Variants in CDH11 observed in about 807,000 individuals in gnomAD.
CDH11 encodes the protein cadherin-11.
Under a neutral mutation model 67.8 loss-of-function variants are expected in CDH11, and 11 were observed. The observed-to-expected ratio is 0.16, with a 90% CI of 0.10 to 0.27. CDH11 has a LOEUF of 0.27. Ranked by LOEUF, CDH11 falls within the 10% of genes least tolerant of loss-of-function variation. CDH11 has a pLI of 1.00. For synonymous variants in CDH11, 419 were observed against 400.0 expected, an observed-to-expected ratio of 1.05 and a Z score of -0.57; for missense variants, 847 against 1,031.2, an observed-to-expected ratio of 0.82 and a Z score of 2.45.
chr16:65,025,825 C>T (rs1481230293), intron 2 of CDH11, among the ~76,000 whole-genome samples: 1 of 152,108 alleles, frequency 6.6e-6, no homozygotes, highest in Non-Finnish European at 1.5e-5. Flanking sequence ...ATCCCAGAAC[C>T]CAAATGGGAT....
intron 1 of CDH11, among the ~76,000 whole-genome samples, chr16:65,107,946 T>C (rs554360168): frequency 3.0e-4 from 46 of 152,160 alleles, no homozygotes; most frequent in Non-Finnish European, 5.0e-4. Context: ...CAAGGGCTGA[T>C]CTGCCTAGAG....
chr16:64,973,077 A>C (rs188913945), intron 8 of CDH11, 37 bp from the exon 9 acceptor site: 1 of 1,599,034 alleles, frequency 6.3e-7, no homozygotes, highest in Non-Finnish European at 8.5e-7. Context: ...AGACCAAGAC[A>C]TTCAGAGCAG....
At chr16:64,953,637 T>C (rs1265491235) in intron 11 of CDH11, among the ~76,000 whole-genome samples, 1 of 152,198 alleles carries the variant, frequency 6.6e-6, no homozygotes. Context: ...TTACACACCA[T>C]TGTTCCATAC....
At chr16:65,063,641 C>T (rs1465953193) in intron 1 of CDH11, among the ~76,000 whole-genome samples, 2 of 152,078 alleles carry the variant, frequency 1.3e-5, no homozygotes, top group African/African-American at 4.8e-5. Flanking sequence ...TTGATATCTG[C>T]AAATGTTCTA....
intron 2 of CDH11, among the ~76,000 whole-genome samples, chr16:65,047,365 T>C (rs2073980444): frequency 6.6e-6 from 1 of 151,992 alleles, no homozygotes; most frequent in South Asian, 2.1e-4. Flanking sequence ...TTTGGTTTTT[T>C]TTTTTAGATG....
chr16:65,014,779 G>C (rs1258456283), intron 2 of CDH11, among the ~76,000 whole-genome samples: 1 of 152,146 alleles, frequency 6.6e-6, no homozygotes, highest in Non-Finnish European at 1.5e-5. Flanking sequence ...AGTGAGGGGA[G>C]AGTTTGAAGA....
Position 64,980,277 on chromosome 16 carries a change from A to G in CDH11, c.1253+1771T>C, listed in dbSNP as rs529733283. On this transcript the variant is annotated intron_variant, in intron 8 of 12. Transcript: ENST00000268603. ...GAAAAAAAAAAGAGAGTGAGACAGA[A>G]AAGCAAATGGCAGCCAGATTTGGCC... 1.1e-4 allele frequency among the ~76,000 whole-genome samples: 16 copies of G among 152,324 alleles called. No individual in the cohort carries two copies. The South Asian group carries it at 1.7e-3, about 16-fold the overall frequency.
intron 1 of CDH11, among the ~76,000 whole-genome samples, chr16:65,059,029 T>G (rs529188784): frequency 6.6e-6 from 1 of 152,374 alleles, no homozygotes; most frequent in South Asian, 2.1e-4. Flanking sequence ...AATATTGATA[T>G]GTGCATAAAT....
intron 1 of CDH11, among the ~76,000 whole-genome samples, chr16:65,113,438 T>G (rs998038574): frequency 1.3e-5 from 2 of 152,170 alleles, no homozygotes; most frequent in African/African-American, 4.8e-5. Context: ...CCCTCATCTC[T>G]AAATGAAGGT....
intron 1 of CDH11, among the ~76,000 whole-genome samples, chr16:65,057,390 C>G (rs1242623437): frequency 1.3e-5 from 2 of 152,222 alleles, no homozygotes; most frequent in African/African-American, 4.8e-5. Flanking sequence ...GCCCTTCCAT[C>G]ATTGTGCTTG....
intron 2 of CDH11, among the ~76,000 whole-genome samples, chr16:65,040,644 C>T (rs771116113): frequency 6.6e-6 from 1 of 152,124 alleles, no homozygotes; most frequent in South Asian, 2.1e-4. Context: ...CAACATGGCA[C>T]ATGTATACAT....
At chr16:65,009,505 A>G (rs1323573091) in intron 2 of CDH11, among the ~76,000 whole-genome samples, 1 of 152,150 alleles carries the variant, frequency 6.6e-6, no homozygotes. Flanking sequence ...AAATATTTCT[A>G]GAATTGAGAG....
chr16:64,980,290 G>A (rs925825451), intron 8 of CDH11, among the ~76,000 whole-genome samples: 5 of 152,086 alleles, frequency 3.3e-5, no homozygotes, highest in Admixed American at 2.6e-4. Flanking sequence ...GCAAATGGCA[G>A]CCAGATTTGG....
At chr16:64,999,937 T>C (rs1469700238) in intron 3 of CDH11, among the ~76,000 whole-genome samples, 68 of 152,166 alleles carry the variant, frequency 4.5e-4, no homozygotes, top group Non-Finnish European at 1.9e-4. Context: ...TTATCAGACC[T>C]TTCCAGAAGA....
At chr16:64,974,622 G>A (rs541778438) in intron 8 of CDH11, among the ~76,000 whole-genome samples, 1 of 152,138 alleles carries the variant, frequency 6.6e-6, no homozygotes, top group Non-Finnish European at 1.5e-5. Flanking sequence ...CATAGGAATA[G>A]AATAATGAGT....
At chr16:64,951,653 G>T (rs1360648804) in intron 11 of CDH11, among the ~76,000 whole-genome samples, 6 of 152,100 alleles carry the variant, frequency 3.9e-5, no homozygotes, top group African/African-American at 1.4e-4. Flanking sequence ...GTGAGAAAAA[G>T]TTTTTTCCTA....
At chr16:65,028,447 C>T (rs1245118108) in intron 2 of CDH11, among the ~76,000 whole-genome samples, 1 of 113,038 alleles carries the variant, frequency 8.8e-6, no homozygotes, top group African/African-American at 3.4e-5. Context: ...GACCTTGGGA[C>T]ATTAACAGAT....
intron 2 of CDH11, among the ~76,000 whole-genome samples, chr16:65,005,397 A>G (rs985523413): frequency 6.6e-6 from 1 of 152,198 alleles, no homozygotes; most frequent in African/African-American, 2.4e-5. Flanking sequence ...GGAACATATA[A>G]TCCACACTGG....
chr16:65,115,827 C>A (rs1179957983), intron 1 of CDH11, among the ~76,000 whole-genome samples: 5 of 151,706 alleles, frequency 3.3e-5, no homozygotes, highest in African/African-American at 1.2e-4. Flanking sequence ...GTAATCCCAG[C>A]ACTTTGGGAG....
Sources: allele counts gnomAD v4.1 joint callset (sites outside exome capture counted in the v4.1 genomes callset), GRCh38; gene constraint gnomAD v4.1.1; transcripts MANE v1.5; gene names NCBI Gene and HGNC (gene_info 2026-07-23, HGNC 2026-07-21).